Variants in VOPP1 observed in about 807,000 individuals in gnomAD.
VOPP1 encodes WW domain binding protein VOPP1.
A neutral mutation model predicts 23.5 loss-of-function variants in VOPP1; 8 were observed. The ratio of observed to expected loss-of-function variants is 0.34; its 90% confidence interval spans 0.20 to 0.61. The LOEUF (loss-of-function observed/expected upper bound fraction) is 0.61, where lower values mean the gene tolerates loss of function less well. Ranked by LOEUF, VOPP1 falls within the 20% of genes least tolerant of loss-of-function variation. VOPP1 has a pLI of 0.78. For synonymous variants in VOPP1, 83 were observed against 97.3 expected, an observed-to-expected ratio of 0.85 and a Z score of 0.86; for missense variants, 174 against 238.1, an observed-to-expected ratio of 0.73 and a Z score of 1.77.
chr7:55,512,570 A>C (rs1027475749), intron 2 of VOPP1, among the ~76,000 whole-genome samples: 1 of 152,226 alleles, frequency 6.6e-6, no homozygotes, highest in African/African-American at 2.4e-5. Flanking sequence ...AAATCCAACA[A>C]GAACTGAGAG....
Position 55,543,008 on chromosome 7 carries a change from C to T in VOPP1, c.55-21878G>A, listed in dbSNP as rs963316507. Reference sequence around the variant, plus strand: ...TTGGCTCACTGCAAGCTCCACCTCCCGGGTTCACACCATTCTCCTGCTTCA... The same window carrying T: ...TTGGCTCACTGCAAGCTCCACCTCCTGGGTTCACACCATTCTCCTGCTTCA... On this transcript the variant is annotated intron_variant, in intron 1 of 4. Transcript: ENST00000285279. Among the ~76,000 whole-genome samples, 11 of 152,050 alleles carry T rather than the reference C, an allele frequency of 7.2e-5. No individual in the cohort carries two copies. The East Asian group carries it at 9.7e-4, about 13-fold the overall frequency.
chr7:55,541,547 T>A (rs1797134096), intron 1 of VOPP1, among the ~76,000 whole-genome samples: 1 of 152,184 alleles, frequency 6.6e-6, no homozygotes, highest in African/African-American at 2.4e-5. Flanking sequence ...TGAAAATCAG[T>A]CTAGCAGTTC....
downstream of VOPP1, among the ~76,000 whole-genome samples, chr7:55,468,225 T>C (rs1353112172): frequency 6.9e-6 from 1 of 145,004 alleles, no homozygotes; most frequent in Non-Finnish European, 1.5e-5. Context: ...GAGCTGAGAT[T>C]GCACCACTGC....
intron 4 of VOPP1, among the ~76,000 whole-genome samples, chr7:55,483,939 T>C (rs1197685952): frequency 6.6e-6 from 1 of 152,156 alleles, no homozygotes; most frequent in East Asian, 1.9e-4. Flanking sequence ...GTATTTTTAG[T>C]AGAGACAGGG....
chr7:55,507,134 G>T (rs188687555), intron 2 of VOPP1, among the ~76,000 whole-genome samples: 1,666 of 152,270 alleles, frequency 0.011, 11 homozygotes, highest in Middle Eastern at 0.02. Flanking sequence ...AGGTGGTTCA[G>T]GCAGAACTCC....
chr7:55,462,598 A>G (rs1254098203), intron 4 of VOPP1, among the ~76,000 whole-genome samples: 1 of 150,810 alleles, frequency 6.6e-6, no homozygotes, highest in Non-Finnish European at 1.5e-5. Flanking sequence ...ACCTGTCTTC[A>G]AATTCAGAAA....
chr7:55,555,933 T>G (rs1232157425), intron 1 of VOPP1, among the ~76,000 whole-genome samples: 2 of 152,294 alleles, frequency 1.3e-5, no homozygotes, highest in East Asian at 3.9e-4. Flanking sequence ...CCAATAGCCA[T>G]CAGCAAAACT....
intron 1 of VOPP1, among the ~76,000 whole-genome samples, chr7:55,566,925 T>C (rs945835734): frequency 6.6e-6 from 1 of 152,200 alleles, no homozygotes; most frequent in Non-Finnish European, 1.5e-5. Context: ...ACTGAGGGCC[T>C]GTCATTGTGA....
intron 1 of VOPP1, among the ~76,000 whole-genome samples, chr7:55,559,497 G>A (rs1054016940): frequency 4.6e-5 from 7 of 152,126 alleles, no homozygotes; most frequent in African/African-American, 1.7e-4. Context: ...TTGAAGTCCA[G>A]CTCCTTTTCT....
chr7:55,461,538 C>T (rs947871257), intron 4 of VOPP1, among the ~76,000 whole-genome samples: 45 of 152,168 alleles, frequency 3.0e-4, no homozygotes, highest in African/African-American at 9.7e-4. Context: ...CTGCCTTAGC[C>T]TCCCGAGTAG....
At chr7:55,522,034 A>G (rs1275472559) in intron 1 of VOPP1, among the ~76,000 whole-genome samples, 1 of 152,236 alleles carries the variant, frequency 6.6e-6, no homozygotes, top group Non-Finnish European at 1.5e-5. Context: ...TCCCAGCAGC[A>G]GGAACACTGG....
intron 1 of VOPP1, among the ~76,000 whole-genome samples, chr7:55,521,419 G>A (rs1584014648): frequency 6.6e-6 from 1 of 152,250 alleles, no homozygotes; most frequent in South Asian, 2.1e-4. Context: ...TGTTTAAAAT[G>A]TACTTGGTAT....
chr7:55,448,942 A>G (rs1045167783), intron 4 of VOPP1, among the ~76,000 whole-genome samples: 2 of 152,194 alleles, frequency 1.3e-5, no homozygotes, highest in African/African-American at 4.8e-5. Flanking sequence ...AATCGCACTG[A>G]GATGCGATGT....
chr7:55,446,292 C>T (rs896828072), intron 4 of VOPP1, among the ~76,000 whole-genome samples: 7 of 152,046 alleles, frequency 4.6e-5, no homozygotes, highest in South Asian at 4.1e-4. Context: ...CGCGCCCGGC[C>T]GAGGTGATAC....
chr7:55,465,755 A>T (rs542891736), downstream of VOPP1, among the ~76,000 whole-genome samples: 9 of 152,358 alleles, frequency 5.9e-5, no homozygotes, highest in Admixed American at 2.0e-4. Flanking sequence ...CAAAGCCAGT[A>T]ATTAGTAGAC....
intron 1 of VOPP1, among the ~76,000 whole-genome samples, chr7:55,564,306 C>A (rs1442904341): frequency 2.0e-5 from 3 of 146,424 alleles, no homozygotes; most frequent in African/African-American, 7.4e-5. Flanking sequence ...TCTCCCCACT[C>A]CCCATAAGGG....
intron 2 of VOPP1, among the ~76,000 whole-genome samples, chr7:55,513,941 A>G (rs910476105): frequency 3.9e-5 from 6 of 152,242 alleles, no homozygotes; most frequent in Non-Finnish European, 7.3e-5. Context: ...CTGGCTTATT[A>G]AAGTCACATG....
intron 1 of VOPP1, chr7:55,552,544 G>C (rs1797652708): frequency 6.6e-7 from 1 of 1,515,910 alleles, no homozygotes. Context: ...ACACAAGCAT[G>C]ATTTTCCCAG....
At chr7:55,499,170 T>C (rs954565661) in intron 2 of VOPP1, among the ~76,000 whole-genome samples, 8 of 152,056 alleles carry the variant, frequency 5.3e-5, no homozygotes, top group African/African-American at 1.9e-4. Flanking sequence ...TTGCTGGTCC[T>C]GGCCGGGTGC....
Sources: allele counts gnomAD v4.1 joint callset (sites outside exome capture counted in the v4.1 genomes callset), GRCh38; gene constraint gnomAD v4.1.1; transcripts MANE v1.5; gene names NCBI Gene and HGNC (gene_info 2026-07-23, HGNC 2026-07-21).